Variants in SNX29 observed in about 807,000 individuals in gnomAD.
SNX29 encodes sorting nexin 29, also known as sorting nexin-29.
Under a neutral mutation model 102.1 loss-of-function variants are expected in SNX29, and 78 were observed. The observed-to-expected ratio is 0.76, with a 90% confidence interval of 0.64 to 0.92. The LOEUF is 0.92. SNX29 is among the 40% of genes least tolerant of loss of function. The probability of loss-of-function intolerance (pLI) is 0.00; values close to 1 mark genes in which losing one functional copy is unlikely to be tolerated. For missense variants in SNX29, 1,280 were observed against 1,061.7 expected (o/e 1.21, Z -2.86); for synonymous variants, 580 against 414.5 (o/e 1.40, Z -4.85).
intron 20 of SNX29, among the ~76,000 whole-genome samples, chr16:12,565,552 G>A (rs1274935737): frequency 6.6e-6 from 1 of 152,096 alleles, no homozygotes; most frequent in Non-Finnish European, 1.5e-5. Flanking sequence ...AACCATCCCT[G>A]TGTCACAGAA....
chr16:12,226,716 G>T (rs1230984098), intron 14 of SNX29, among the ~76,000 whole-genome samples: 3 of 151,978 alleles, frequency 2.0e-5, no homozygotes, highest in Non-Finnish European at 4.4e-5. Flanking sequence ...CGGGATTACA[G>T]GTGTGTGTCA....
chr16:12,229,383 C>T (rs950951129), intron 14 of SNX29, among the ~76,000 whole-genome samples: 23 of 152,192 alleles, frequency 1.5e-4, no homozygotes, highest in Non-Finnish European at 3.4e-4. Context: ...TCTAAATGAA[C>T]ATCTAACCAA....
At chr16:12,549,386 T>G (rs916024154) in intron 20 of SNX29, among the ~76,000 whole-genome samples, 1 of 152,168 alleles carries the variant, frequency 6.6e-6, no homozygotes, top group Non-Finnish European at 1.5e-5. Flanking sequence ...TCCCAGCTAC[T>G]CAGAAGGCTG....
chr16:12,284,582 A>G (rs2079534324), intron 15 of SNX29, among the ~76,000 whole-genome samples: 1 of 152,244 alleles, frequency 6.6e-6, no homozygotes. Context: ...TTGTATAAGA[A>G]TGCAGCAATG....
At chr16:12,524,235 G>A (rs1311744411) in intron 19 of SNX29, among the ~76,000 whole-genome samples, 2 of 151,936 alleles carry the variant, frequency 1.3e-5, no homozygotes, top group Non-Finnish European at 2.9e-5. Context: ...TTTGTATTTC[G>A]AGAAACTCCC....
At chr16:12,534,683 T>C (rs936675413) in intron 20 of SNX29, among the ~76,000 whole-genome samples, 1 of 152,230 alleles carries the variant, frequency 6.6e-6, no homozygotes, top group African/African-American at 2.4e-5. Flanking sequence ...GGAGGATCTT[T>C]GATTCTGCTT....
chr16:12,078,169 A>G (rs2051674600), intron 10 of SNX29, among the ~76,000 whole-genome samples: 1 of 151,462 alleles, frequency 6.6e-6, no homozygotes, highest in Non-Finnish European at 1.5e-5. Context: ...GACATTTTAA[A>G]CAATAAAATC....
intron 19 of SNX29, among the ~76,000 whole-genome samples, chr16:12,503,227 C>T (rs1431179530): frequency 6.6e-6 from 1 of 152,166 alleles, no homozygotes; most frequent in Admixed American, 6.5e-5. Flanking sequence ...CCTTTTCCTT[C>T]CCTGCGACGT....
chr16:12,282,256 C>T (rs1262130537), intron 15 of SNX29, among the ~76,000 whole-genome samples: 3 of 152,046 alleles, frequency 2.0e-5, no homozygotes, highest in Non-Finnish European at 4.4e-5. Context: ...GAATGAATGG[C>T]AGGACACAAG....
intron 11 of SNX29, among the ~76,000 whole-genome samples, chr16:12,079,797 C>T (rs1348427390): frequency 6.6e-6 from 1 of 152,166 alleles, no homozygotes; most frequent in South Asian, 2.1e-4. Context: ...GCCTTGTAGA[C>T]CAAAATAGCC....
intron 13 of SNX29, among the ~76,000 whole-genome samples, chr16:12,185,680 C>A (rs1451686967): frequency 6.6e-6 from 1 of 152,218 alleles, no homozygotes; most frequent in African/African-American, 2.4e-5. Context: ...TCTCAAGAGG[C>A]CGAGATTTGT....
chr16:12,373,123 C>G (rs1336150795), intron 16 of SNX29: 1 of 152,126 alleles, frequency 6.6e-6, no homozygotes, highest in Non-Finnish European at 1.5e-5. Flanking sequence ...ACCTTTATTT[C>G]TTTACATTTT....
chr16:12,399,425 C>T (rs2083850504), intron 17 of SNX29, among the ~76,000 whole-genome samples: 1 of 152,220 alleles, frequency 6.6e-6, no homozygotes, highest in African/African-American at 2.4e-5. Context: ...GATAAGTTGT[C>T]TCCTCTCTCA....
chr16:12,531,269 C>A (rs563640874), intron 20 of SNX29, among the ~76,000 whole-genome samples: 7 of 152,222 alleles, frequency 4.6e-5, no homozygotes, highest in Non-Finnish European at 7.3e-5. Flanking sequence ...TCAGGGCGCA[C>A]TGGGACCTGG....
At chr16:12,213,810 G>A (rs2077250082) in intron 14 of SNX29, among the ~76,000 whole-genome samples, 1 of 152,188 alleles carries the variant, frequency 6.6e-6, no homozygotes, top group African/African-American at 2.4e-5. Flanking sequence ...ACCCAGCTAT[G>A]TGGCCACCCC....
intron 18 of SNX29, among the ~76,000 whole-genome samples, chr16:12,457,110 G>A (rs972068337): frequency 6.6e-6 from 1 of 152,116 alleles, no homozygotes; most frequent in Non-Finnish European, 1.5e-5. Context: ...ATACATTCAG[G>A]GCAGGTCAAG....
chr16:12,572,951 G>A lies in SNX29; in HGVS notation c.*4322G>A. On this transcript the variant is annotated 3_prime_UTR_variant, in exon 21 of 21. Coordinates refer to ENST00000566228, the MANE Select transcript of SNX29 (RefSeq NM_032167.5). ...CTTCAAGGCAGGCATCTGCTTATGA[G>A]CAAGGTCAAAGATTTTTCAAAATAT... 1.5e-6 allele frequency: 1 copy of A among 686,340 alleles called. No homozygotes were observed. The allele number at this position is 686,340 out of a possible 1,614,324, so 42.5% of individuals were successfully genotyped here. A position where few individuals can be genotyped will look rare whatever the true frequency, so the allele number is the denominator to read the frequency against.
chr16:12,462,016 T>TATATATATATACACACAC (rs1555544564), intron 18 of SNX29, among the ~76,000 whole-genome samples: 1 of 65,210 alleles, frequency 1.5e-5, no homozygotes, highest in Non-Finnish European at 2.4e-5. Flanking sequence ...TATATATGTA[T>TATATATATATACACACAC]ACACACACAC....
At position 12,516,419 on chromosome 16, in the gene SNX29, G is replaced by A. The variant is rs2089866286; in HGVS notation, c.2179-8283G>A. On this transcript the variant is annotated intron_variant, in intron 19 of 20. Transcript: ENST00000566228. ...TGCTTGAGCCTGGGAGGTCAGGGCT[G>A]CAGTGAGCCATGATTGTACCACTGC... is the stretch of plus-strand genomic sequence containing the variant. 2.7e-5 allele frequency among the ~76,000 whole-genome samples: 4 copies of A among 150,064 alleles called. No individual in the cohort carries two copies. In the South Asian group the frequency reaches 8.4e-4, roughly 32 times the overall value.
Sources: allele counts gnomAD v4.1 joint callset (sites outside exome capture counted in the v4.1 genomes callset), GRCh38; gene constraint gnomAD v4.1.1; transcripts MANE v1.5; gene names NCBI Gene and HGNC (gene_info 2026-07-23, HGNC 2026-07-21).